Variants in HIVEP1 observed in about 807,000 individuals in gnomAD.
HIVEP1 encodes the protein zinc finger protein 40.
In HIVEP1, 36 loss-of-function variants were observed where a neutral mutation model predicts 180.0. That is an observed-to-expected ratio of 0.20 (90% CI 0.15 to 0.26). The LOEUF is 0.26. Ranked by LOEUF, HIVEP1 falls within the 10% of genes least tolerant of loss-of-function variation. The pLI, the probability that HIVEP1 is intolerant of heterozygous loss-of-function variation, is 1.00. For missense variants in HIVEP1, 3,143 were observed against 3,268.7 expected (o/e 0.96, Z 0.94); for synonymous variants, 1,239 against 1,239.0 (o/e 1.00, Z 0.00).
chr6:12,136,259 C>T (rs755677609), intron 7 of HIVEP1, among the ~76,000 whole-genome samples: 24 of 152,128 alleles, frequency 1.6e-4, no homozygotes, highest in Non-Finnish European at 3.5e-4. Context: ...CTTTTACCTA[C>T]CCTCATGCTT....
At chr6:12,010,510 A>G (rs540287979), upstream of HIVEP1, among the ~76,000 whole-genome samples, 2 of 152,318 alleles carry the variant, frequency 1.3e-5, no homozygotes, top group South Asian at 4.1e-4. Flanking sequence ...GAACAAAACA[A>G]TTCAAGTTTG....
intron 2 of HIVEP1, among the ~76,000 whole-genome samples, chr6:12,033,282 T>C (rs1403303689): frequency 1.3e-5 from 2 of 152,098 alleles, no homozygotes; most frequent in East Asian, 1.9e-4. Flanking sequence ...CAATTTATGA[T>C]GGGTTTATCA....
rs1364380842 is a variant in HIVEP1, at chr6:12,112,746, G to A, written c.95-7144G>A. On this transcript the variant is annotated intron_variant, in intron 3 of 8. Coordinates refer to ENST00000379388, the MANE Select transcript of HIVEP1 (RefSeq NM_002114.4). ...CCACAGGGCTGGGCTTCTGGATGGG[G>A]TGGGGAGGGGAGGGTTGCTCCATCT... 2.6e-5 allele frequency among the ~76,000 whole-genome samples: 4 copies of A among 152,098 alleles called. No homozygotes were observed. In the East Asian group the frequency reaches 7.7e-4, roughly 29 times the overall value.
In HIVEP1 at chr6:12,122,611, C is replaced by G; in HGVS notation, c.2816C>G (p.Ala939Gly). The G allele has an allele frequency of 6.2e-7, 1 of 1,614,110 alleles. No individual in the cohort carries two copies. The change falls in exon 4 of 9, where the codon GCA becomes GGA. Residue 939 changes from alanine to glycine, a missense_variant. By Grantham distance (60) the Ala-to-Gly change is moderately conservative (BLOSUM62 0). Transcript: ENST00000379388. ...GAAGCCATGTCAGTGAGGAGCAAGGCACTGGCACAAGGCCCACATATAGAA... is the reference window on the plus strand; with the variant it reads ...GAAGCCATGTCAGTGAGGAGCAAGGGACTGGCACAAGGCCCACATATAGAA... ...AGEAMSVRSK[A>G]LAQGPHIEKK...
At chr6:12,025,394 A>C (rs1768513544) in intron 2 of HIVEP1, among the ~76,000 whole-genome samples, 1 of 152,224 alleles carries the variant, frequency 6.6e-6, no homozygotes, top group African/African-American at 2.4e-5. Context: ...TTGCTATCAC[A>C]AACAGTCTAG....
At chr6:12,010,252 A>C (rs1378853008), upstream of HIVEP1, among the ~76,000 whole-genome samples, 1 of 152,236 alleles carries the variant, frequency 6.6e-6, no homozygotes, top group Non-Finnish European at 1.5e-5. Context: ...ATAATTGTAC[A>C]TGTACACAGT....
At chr6:12,177,034 G>A in the HIVEP1 span, among the ~76,000 whole-genome samples, 3 of 152,292 alleles carry the variant, frequency 2.0e-5, no homozygotes, top group Admixed American at 1.3e-4. Flanking sequence ...GGAGCTGGAG[G>A]CCATTAACTT....
At chr6:12,138,028 C>T (rs3822926) in intron 7 of HIVEP1, among the ~76,000 whole-genome samples, 9,590 of 152,242 alleles carry the variant, frequency 0.063, 355 homozygotes, top group Middle Eastern at 0.15. Context: ...GGGCAGCTTC[C>T]GTTACTCCCC....
chr6:12,206,819 G>A, the HIVEP1 span, among the ~76,000 whole-genome samples: 4,253 of 152,134 alleles, frequency 0.028, 75 homozygotes, highest in Middle Eastern at 0.065. Context: ...AGGGAAGGCA[G>A]CTGGGTTTTG....
the HIVEP1 span, among the ~76,000 whole-genome samples, chr6:12,171,608 A>G: frequency 6.6e-6 from 1 of 152,196 alleles, no homozygotes; most frequent in African/African-American, 2.4e-5. Flanking sequence ...AGCAGAAATA[A>G]TAAAAAAGAA....
At chr6:12,140,355 T>A (rs1758946840) in intron 7 of HIVEP1, among the ~76,000 whole-genome samples, 1 of 152,170 alleles carries the variant, frequency 6.6e-6, no homozygotes, top group South Asian at 2.1e-4. Context: ...CCCCATTTGA[T>A]GTTGGTGGGT....
the HIVEP1 span, among the ~76,000 whole-genome samples, chr6:12,178,986 T>G: frequency 7.2e-5 from 11 of 152,172 alleles, no homozygotes; most frequent in African/African-American, 2.7e-4. Context: ...GCAGAAAAAT[T>G]TATACAATGG....
chr6:12,164,061 C>T lies in HIVEP1; in HGVS notation c.7757C>T (p.Thr2586Ile). ...SKACETQPKQ[T>I]SVASANQVSR... ...GCATGCGAGACACAACCCAAGCAGACTTCTGTAGCCAGCGCAAACCAGGTC... is the reference window on the plus strand; with the variant it reads ...GCATGCGAGACACAACCCAAGCAGATTTCTGTAGCCAGCGCAAACCAGGTC... The change falls in exon 9 of 9, where the codon ACT becomes ATT. Residue 2586 changes from threonine (T) to isoleucine (I), a missense_variant. Thr to Ile is a moderately conservative substitution (Grantham distance 89). Around this residue, in one of 12 missense-constraint regions of HIVEP1, gnomAD observed 595 missense variants for 602.2 expected, o/e 0.99. Transcript: ENST00000379388. 1.2e-6 allele frequency: 2 copies of T among 1,614,190 alleles called. No individual in the cohort carries two copies. Among genetic ancestry groups the T allele is most frequent in the Non-Finnish European group, 1.7e-6 (2 of 1,180,046 alleles).
rs953282735 is a variant in HIVEP1 at position 12,164,098 on chromosome 6, G to A, written c.7794G>A (p.Glu2598=). The change falls in exon 9 of 9, where the codon GAG becomes GAA. Residue 2598 remains glutamate, a synonymous_variant. Transcript: ENST00000379388. ...GCGCAAACCAGGTCAGCAGGACCGA[G>A]TCTCCTCAGGGGTTACCTACAGTCC... The part of the protein sequence containing the change: ...VASANQVSRT[E]SPQGLPTVQR... The A allele has an allele frequency of 1.9e-6, 3 of 1,614,190 alleles. No homozygotes were observed. The highest frequency in any genetic ancestry group is 3.3e-5 in the Admixed American group (2 of 60,030).
At position 12,122,738 on chromosome 6, in the gene HIVEP1, C is replaced by T. The variant is rs755783723; in HGVS notation, c.2943C>T (p.Tyr981=). 1 of 1,613,624 alleles carries T rather than the reference C, an allele frequency of 6.2e-7. No homozygotes were observed. The highest frequency in any genetic ancestry group is 8.5e-7 in the Non-Finnish European group (1 of 1,179,868). ...LENFENHKKF[Y]CSELHGPKTK... Reference sequence around the variant, plus strand: ...ATTTTGAAAATCATAAGAAATTTTACTGTTCTGAGTTACATGGACCAAAAA... The same window carrying T: ...ATTTTGAAAATCATAAGAAATTTTATTGTTCTGAGTTACATGGACCAAAAA... The change falls in exon 4 of 9, where the codon TAC becomes TAT. Residue 981 remains tyrosine, a synonymous_variant. Transcript: ENST00000379388.
At chr6:12,172,291 T>C in the HIVEP1 span, among the ~76,000 whole-genome samples, 3 of 144,388 alleles carry the variant, frequency 2.1e-5, no homozygotes, top group East Asian at 5.8e-4. Context: ...TTCAGCACAC[T>C]GAACAACTGT....
the HIVEP1 span, among the ~76,000 whole-genome samples, chr6:12,209,453 T>C: frequency 6.6e-6 from 1 of 152,236 alleles, no homozygotes; most frequent in African/African-American, 2.4e-5. Context: ...AAAATTTTTT[T>C]CTCTAGAGGG....
At chr6:12,089,900 G>A (rs1773360268) in intron 3 of HIVEP1, among the ~76,000 whole-genome samples, 1 of 151,928 alleles carries the variant, frequency 6.6e-6, no homozygotes, top group Non-Finnish European at 1.5e-5. Context: ...CTGTGAGATT[G>A]GACAATGTTG....
chr6:12,123,617 A>G lies in HIVEP1; in HGVS notation c.3822A>G (p.Thr1274=). The part of the protein sequence containing the change: ...QRSETLSKLP[T]EKLPPKKKRL... ...GTGAAACCTTGTCAAAATTGCCAACAGAGAAACTGCCACCCAAAAAGAAAA... is the reference window on the plus strand; with the variant it reads ...GTGAAACCTTGTCAAAATTGCCAACGGAGAAACTGCCACCCAAAAAGAAAA... Residue 1274 remains threonine, a synonymous_variant, in exon 4 of 9, where the codon ACA becomes ACG. Transcript: ENST00000379388. The G allele has an allele frequency of 1.2e-6, 2 of 1,614,176 alleles. No homozygotes were observed. Among genetic ancestry groups the G allele is most frequent in the South Asian group, 1.1e-5 (1 of 91,084 alleles).
Sources: gnomAD v4.1 joint callset for allele counts (sites outside exome capture counted in the v4.1 genomes callset) on GRCh38, gnomAD v4.1.1 for gene constraint, gnomAD v4.1.1 regional missense constraint, MANE v1.5 for transcripts, NCBI Gene and HGNC (gene_info 2026-07-23, HGNC 2026-07-21) for gene names.